The following PHTF2 variants were observed in gnomAD, a reference collection of about 807,000 sequenced individuals.
The protein encoded by PHTF2 is putative homeodomain transcription factor 2.
In PHTF2, 60 loss-of-function variants were observed where a neutral mutation model predicts 101.2. The ratio of observed to expected loss-of-function variants is 0.59; its 90% CI spans 0.48 to 0.73. The LOEUF is 0.73. Ranked by LOEUF, PHTF2 falls within the 30% of genes least tolerant of loss-of-function variation. The pLI, the probability that PHTF2 is intolerant of heterozygous loss-of-function variation, is 0.00. For synonymous variants in PHTF2, 311 were observed against 307.3 expected, an observed-to-expected ratio of 1.01 and a Z score of -0.13; for missense variants, 747 against 908.7, an observed-to-expected ratio of 0.82 and a Z score of 2.29.
intron 3 of PHTF2, among the ~76,000 whole-genome samples, chr7:77,893,298 T>C (rs1002451232): frequency 6.6e-6 from 1 of 152,112 alleles, no homozygotes; most frequent in African/African-American, 2.4e-5. Flanking sequence ...GTTGTTCTCC[T>C]CTCTGTTCAA....
intron 11 of PHTF2, chr7:77,924,317 C>G (rs1010753236): frequency 6.9e-5 from 13 of 189,652 alleles, no homozygotes; most frequent in Non-Finnish European, 2.9e-5. Flanking sequence ...CCCACTCAAA[C>G]ACAATGAGCA....
At chr7:77,900,935 C>T (rs966141922) in intron 6 of PHTF2, among the ~76,000 whole-genome samples, 155 bp downstream of exon 5, 3 of 152,354 alleles carry the variant, frequency 2.0e-5, no homozygotes, top group Admixed American at 1.3e-4. Flanking sequence ...TTAATTGGTT[C>T]ATGGTTCTGC....
At chr7:77,893,721 T>A in intron 4 of PHTF2, 57 bp downstream of exon 3, 1 of 735,070 alleles carries the variant, frequency 1.4e-6, no homozygotes. Flanking sequence ...AATTATTAAT[T>A]ACATTTTCTG....
At chr7:77,887,007 C>G (rs1177378185) in intron 3 of PHTF2, among the ~76,000 whole-genome samples, 1 of 149,066 alleles carries the variant, frequency 6.7e-6, no homozygotes, top group Non-Finnish European at 1.5e-5. Flanking sequence ...GATCATGCTA[C>G]TACACTCCAG....
chr7:77,809,860 G>A (rs1010994880), intron 1 of PHTF2, among the ~76,000 whole-genome samples: 2 of 152,126 alleles, frequency 1.3e-5, no homozygotes, highest in African/African-American at 4.8e-5. Context: ...CTTTTCTTCT[G>A]ATGGAAGCAG....
chr7:77,847,940 A>G (rs951265320), intron 2 of PHTF2, among the ~76,000 whole-genome samples: 3 of 152,120 alleles, frequency 2.0e-5, no homozygotes, highest in African/African-American at 7.2e-5. Flanking sequence ...AGCTCCCACA[A>G]ATTAGTGAGA....
chr7:77,954,594 A>ATATTAAACAAG (rs1806819103), intron 19 of PHTF2, among the ~76,000 whole-genome samples: 1 of 137,166 alleles, frequency 7.3e-6, no homozygotes, highest in South Asian at 2.4e-4. Flanking sequence ...TAAGATAATC[A>ATATTAAACAAG]TATTAAACAA....
chr7:77,848,240 G>A (rs567246112), intron 2 of PHTF2, among the ~76,000 whole-genome samples: 1 of 152,250 alleles, frequency 6.6e-6, no homozygotes, highest in Non-Finnish European at 1.5e-5. Context: ...GGGCTTGCTG[G>A]ATCATATGGT....
intron 7 of PHTF2, among the ~76,000 whole-genome samples, chr7:77,905,286 T>C (rs1223918937): frequency 6.6e-6 from 1 of 152,058 alleles, no homozygotes; most frequent in Admixed American, 6.6e-5. Context: ...AGTGCAGTGG[T>C]GCGATCATAG....
chr7:77,850,460 G>A (rs1364333040), intron 2 of PHTF2, among the ~76,000 whole-genome samples: 2 of 149,510 alleles, frequency 1.3e-5, no homozygotes, highest in South Asian at 2.1e-4. Context: ...GCAACATAGT[G>A]GGACCTCGTC....
chr7:77,882,246 T>C (rs192349061), intron 3 of PHTF2, among the ~76,000 whole-genome samples: 6 of 152,286 alleles, frequency 3.9e-5, no homozygotes, highest in African/African-American at 1.4e-4. Context: ...AGAATGTGTT[T>C]GGTGTTTTGA....
chr7:77,907,485 C>CA (rs941254173), intron 7 of PHTF2, among the ~76,000 whole-genome samples: 10 of 151,532 alleles, frequency 6.6e-5, no homozygotes, highest in Admixed American at 3.9e-4. Context: ...AAAAGCTAAA[C>CA]AAAAAAAACC....
chr7:77,801,584 C>T (rs979454524), intron 1 of PHTF2, among the ~76,000 whole-genome samples: 3 of 151,950 alleles, frequency 2.0e-5, no homozygotes, highest in African/African-American at 7.3e-5. Flanking sequence ...GACACCGTCT[C>T]AAAAACAAAA....
chr7:77,850,753 A>G lies in PHTF2; in HGVS notation c.46-3980A>G, dbSNP rs548189726. 9.2e-5 allele frequency among the ~76,000 whole-genome samples: 14 copies of G among 152,284 alleles called. No homozygotes were observed. The South Asian group carries it at 2.9e-3, about 32-fold the overall frequency. Reference sequence around the variant, plus strand: ...TGTTGTGTTTTAGATCTTTGAGGAAAGTCTTTCAGCTTTTCCCTAATCAGT... The same window carrying G: ...TGTTGTGTTTTAGATCTTTGAGGAAGGTCTTTCAGCTTTTCCCTAATCAGT... On this transcript the variant is annotated intron_variant, in intron 2 of 19. Coordinates refer to ENST00000416283, the Ensembl canonical transcript of PHTF2.
chr7:77,880,868 G>A (rs992315964), intron 3 of PHTF2, among the ~76,000 whole-genome samples: 2 of 152,192 alleles, frequency 1.3e-5, no homozygotes, highest in African/African-American at 4.8e-5. Context: ...GGTAGAGTAT[G>A]TGTGGATATT....
chr7:77,918,492 A>C (rs1803145327), intron 9 of PHTF2, among the ~76,000 whole-genome samples: 1 of 152,138 alleles, frequency 6.6e-6, no homozygotes, highest in South Asian at 2.1e-4. Context: ...ACCTTTATAA[A>C]TACCTTTCCA....
intron 2 of PHTF2, among the ~76,000 whole-genome samples, chr7:77,850,195 A>T (rs891478959): frequency 1.6e-4 from 14 of 90,122 alleles, no homozygotes; most frequent in South Asian, 8.3e-4. Context: ...TACAAAATTT[A>T]AAAAAAAAAA....
intron 1 of PHTF2, among the ~76,000 whole-genome samples, chr7:77,820,510 C>T (rs1293251681): frequency 6.6e-6 from 1 of 151,952 alleles, no homozygotes; most frequent in Non-Finnish European, 1.5e-5. Context: ...CACCACCATT[C>T]CCAGCTAATG....
intron 16 of PHTF2, among the ~76,000 whole-genome samples, chr7:77,949,296 T>C (rs1806336470): frequency 2.0e-5 from 3 of 152,104 alleles, no homozygotes; most frequent in Admixed American, 2.0e-4. Context: ...CAAAAAATTA[T>C]ATAGTTCAAG....
Sources: gnomAD v4.1 joint callset for allele counts (sites outside exome capture counted in the v4.1 genomes callset) on GRCh38, gnomAD v4.1.1 for gene constraint, MANE v1.5 for transcripts, NCBI Gene and HGNC (gene_info 2026-07-23, HGNC 2026-07-21) for gene names.